UNC80: variants seen among roughly 807,000 people sequenced by gnomAD.
UNC80 encodes the protein unc-80 subunit of NALCN channel complex.
Under a neutral mutation model 384.6 loss-of-function variants are expected in UNC80, and 164 were observed. That is an observed-to-expected ratio of 0.43 (90% CI 0.38 to 0.49). UNC80 has a LOEUF of 0.49. Among genes scored for constraint, UNC80 ranks in the 20% least tolerant of loss-of-function variants. The pLI is 0.00. For synonymous variants in UNC80, 1,486 were observed against 1,527.8 expected (o/e 0.97, Z 0.64); for missense variants, 3,330 against 4,143.0 (o/e 0.80, Z 5.39).
At position 209,939,501 on chromosome 2, in the gene UNC80, G is replaced by A. The variant is rs1249494983; in HGVS notation, c.6495G>A (p.Gly2165=). 3.9e-6 allele frequency: 6 copies of A among 1,550,942 alleles called. No individual in the cohort carries two copies. The highest frequency in any genetic ancestry group is 2.7e-5 in the African/African-American group (2 of 73,004). The change falls in exon 43 of 65, where the codon GGG becomes GGA. Residue 2165 remains glycine, a synonymous_variant. Transcript: ENST00000673920. ...TCACCCGAAAGCTGGAAGAAGTAGG[G>A]CGGGTGTTGTTTCTCATCTCCCTAA... ...QVFTRKLEEV[G]RVLFLISLTQ... is the part of the protein sequence containing the mutation.
rs13417350 is a variant in UNC80 at position 209,841,914 on chromosome 2, T to A, written c.3358-436T>A. On this transcript the variant is annotated intron_variant, in intron 20 of 64. Transcript: ENST00000673920. ...AGAGAAACATGTTATTACATTTTTA[T>A]TATAGTACACTCTATAAATTACCTT... 2.8e-3 allele frequency among the ~76,000 whole-genome samples: 431 copies of A among 152,336 alleles called. 1 individual carries two copies. Among genetic ancestry groups the A allele is most frequent in the African/African-American group, 9.9e-3 (411 of 41,582 alleles).
Position 209,779,606 on chromosome 2 carries a change from G to A in UNC80, c.600+2047G>A, listed in dbSNP as rs543028980. 8.5e-5 allele frequency among the ~76,000 whole-genome samples: 13 copies of A among 152,292 alleles called. No individual in the cohort carries two copies. In the South Asian group the frequency reaches 2.7e-3, roughly 32 times the overall value. On this transcript the variant is annotated intron_variant, in intron 4 of 64. Transcript: ENST00000673920. ...AGGGAGTCTGCCTGTCCTGGTGACA[G>A]CTGTATCTCTAGTGTCTCAAATAGT... is the stretch of plus-strand genomic sequence containing the variant.
chr2:209,811,602 AG>A (rs2079355028), intron 7 of UNC80, among the ~76,000 whole-genome samples: 2 of 152,240 alleles, frequency 1.3e-5, no homozygotes, highest in African/African-American at 4.8e-5. Flanking sequence ...CTCTGGAAAA[AG>A]GATAAACTCT....
chr2:209,942,981 T>C (rs908598117), intron 44 of UNC80, among the ~76,000 whole-genome samples: 1 of 152,162 alleles, frequency 6.6e-6, no homozygotes, highest in African/African-American at 2.4e-5. Flanking sequence ...CCTTACAGCA[T>C]TTTTAAAATT....
At chr2:209,972,454 A>G in intron 55 of UNC80, 130 bp downstream of exon 55, 1 of 1,266,080 alleles carries the variant, frequency 7.9e-7, no homozygotes, top group Admixed American at 3.1e-5. Flanking sequence ...AAATAGGGTC[A>G]TCTTAGGAAA....
At chr2:209,812,679 A>G (rs192493593) in intron 7 of UNC80, among the ~76,000 whole-genome samples, 15 of 152,016 alleles carry the variant, frequency 9.9e-5, no homozygotes, top group Admixed American at 9.3e-4. Flanking sequence ...CTAAGTTTAT[A>G]TTTTGTCACT....
rs2093490074 is a variant in UNC80 at position 209,996,786 on chromosome 2, A to C, written c.*1191A>C. ...TAGGGCTGTGCATCACGTGGTTCAC[A>C]ATTGAATTTCAAAATTTTAACAGTT... On this transcript the variant is annotated 3_prime_UTR_variant, in exon 65 of 65. Coordinates refer to ENST00000673920, the MANE Select transcript of UNC80 (RefSeq NM_001371986.1). 6.6e-6 allele frequency: 1 copy of C among 152,192 alleles called. No homozygotes were observed. The highest frequency in any genetic ancestry group is 2.4e-5 in the African/African-American group (1 of 41,462). The allele number at this position is 152,192 out of a possible 1,614,324, so 9.4% of individuals were successfully genotyped here.
chr2:209,846,217 G>A (rs1388901354), intron 21 of UNC80, among the ~76,000 whole-genome samples: 1 of 152,050 alleles, frequency 6.6e-6, no homozygotes, highest in Non-Finnish European at 1.5e-5. Flanking sequence ...GAGATGAAAT[G>A]CCAATAGAAT....
intron 7 of UNC80, among the ~76,000 whole-genome samples, chr2:209,801,789 G>A (rs952849454): frequency 6.6e-5 from 10 of 150,602 alleles, no homozygotes; most frequent in African/African-American, 2.4e-4. Flanking sequence ...CTACATGGGT[G>A]CATTGTTTTT....
At chr2:209,827,503 C>T (rs2080624084) in intron 14 of UNC80, among the ~76,000 whole-genome samples, 1 of 152,150 alleles carries the variant, frequency 6.6e-6, no homozygotes, top group South Asian at 2.1e-4. Context: ...CCCAGGAGCA[C>T]CGAACACTTC....
chr2:209,910,432 A>G (rs2124938665), intron 29 of UNC80, among the ~76,000 whole-genome samples: 1 of 151,964 alleles, frequency 6.6e-6, no homozygotes, highest in East Asian at 2.0e-4. Flanking sequence ...CTTCTAATCA[A>G]GTCATTAAAA....
intron 33 of UNC80, among the ~76,000 whole-genome samples, 194 bp from the exon 34 acceptor site, chr2:209,921,306 A>T (rs2090022484): frequency 6.6e-6 from 1 of 151,488 alleles, no homozygotes; most frequent in Admixed American, 6.6e-5. Flanking sequence ...TGATTGAATG[A>T]AAAAAAAATA....
chr2:209,855,942 C>T (rs183667123), intron 22 of UNC80, among the ~76,000 whole-genome samples: 1 of 151,806 alleles, frequency 6.6e-6, no homozygotes, highest in African/African-American at 2.4e-5. Flanking sequence ...TTAGCAATGC[C>T]CTTATTAATA....
At chr2:209,972,370 C>A (rs371899614) in intron 55 of UNC80, 46 bp downstream of exon 55, 1 of 1,540,074 alleles carries the variant, frequency 6.5e-7, no homozygotes, top group South Asian at 1.2e-5. Flanking sequence ...TTGTTGTGTT[C>A]TCTTAAATGT....
At chr2:209,855,276 A>G (rs143901926) in intron 22 of UNC80, among the ~76,000 whole-genome samples, 335 of 152,212 alleles carry the variant, frequency 2.2e-3, no homozygotes, top group Non-Finnish European at 3.7e-3. Flanking sequence ...ACACAGGGGA[A>G]CAACACACAC....
rs945288005 is a variant in UNC80, at chr2:209,893,572, GA to G, written c.4277-590del. 3.1e-4 allele frequency among the ~76,000 whole-genome samples: 47 copies of G among 152,124 alleles called. 1 individual carries two copies. Among genetic ancestry groups the G allele is most frequent in the Non-Finnish European group, 2.9e-4 (20 of 68,014 alleles). On this transcript the variant is annotated intron_variant, in intron 26 of 64. Coordinates refer to ENST00000673920, the MANE Select transcript of UNC80 (RefSeq NM_001371986.1). ...ACATCTCACCCAGCCTTTTGACTGA[GA>G]GGAGGATAGTATGAAGTCATTAAGT...
chr2:209,824,901 C>T (rs759694628), intron 13 of UNC80, among the ~76,000 whole-genome samples: 2 of 152,192 alleles, frequency 1.3e-5, no homozygotes, highest in Admixed American at 1.3e-4. Flanking sequence ...AAGTCCCTTA[C>T]AATTTGCAGA....
intron 28 of UNC80, among the ~76,000 whole-genome samples, chr2:209,899,695 A>G (rs552015643): frequency 7.3e-4 from 111 of 152,146 alleles, no homozygotes; most frequent in Non-Finnish European, 1.0e-3. Context: ...TCCCAGTGAG[A>G]GTCTGGGGTA....
At chr2:209,984,973 C>A in intron 61 of UNC80, 61 bp downstream of exon 61, 1 of 1,377,180 alleles carries the variant, frequency 7.3e-7, no homozygotes, top group Non-Finnish European at 1.0e-6. Flanking sequence ...TGTTCCCTGT[C>A]TCCTCTGTCT....
Sources: allele counts gnomAD v4.1 joint callset (sites outside exome capture counted in the v4.1 genomes callset), GRCh38; gene constraint gnomAD v4.1.1; transcripts MANE v1.5; gene names NCBI Gene and HGNC (gene_info 2026-07-23, HGNC 2026-07-21).